Variants in ATXN2 observed in about 807,000 individuals in gnomAD.
ATXN2 encodes ataxin-2.
A neutral mutation model predicts 138.6 loss-of-function variants in ATXN2; 37 were observed. The ratio of observed to expected loss-of-function variants is 0.27; its 90% CI spans 0.21 to 0.35. The LOEUF is 0.35. Ranked by LOEUF, ATXN2 falls within the 10% of genes least tolerant of loss-of-function variation. The pLI is 1.00. For synonymous variants in ATXN2, 549 were observed against 543.7 expected, an observed-to-expected ratio of 1.01 and a Z score of -0.13; for missense variants, 1,216 against 1,480.3, an observed-to-expected ratio of 0.82 and a Z score of 2.93.
At chr12:111,539,477 A>C (rs1352988662) in intron 5 of ATXN2, among the ~76,000 whole-genome samples, 1 of 150,316 alleles carries the variant, frequency 6.7e-6, no homozygotes, top group Non-Finnish European at 1.5e-5. Context: ...GCCGGGTGCG[A>C]TGGCTCATGC....
rs571947327 is a variant in ATXN2, at chr12:111,484,598, G to A, written c.2524+667C>T. ...ACAGGCGGCAGGTGCCACCATGTCC[G>A]GCTAATTTTTGTATTTTAGTAGAGA... On this transcript the variant is annotated intron_variant, in intron 18 of 24. Transcript: ENST00000673436. Among the ~76,000 whole-genome samples, 6 of 152,050 alleles carry A rather than the reference G, an allele frequency of 3.9e-5. No individual in the cohort carries two copies. In the East Asian group the frequency reaches 5.8e-4, roughly 15 times the overall value.
chr12:111,580,853 A>G (rs11065958), intron 1 of ATXN2, among the ~76,000 whole-genome samples: 15,363 of 152,066 alleles, frequency 0.1, 2,589 homozygotes, highest in African/African-American at 0.35. Context: ...GGAAACGACA[A>G]AGAAAGGCCA....
At chr12:111,497,241 T>C (rs1878477512) in intron 14 of ATXN2, among the ~76,000 whole-genome samples, 1 of 152,098 alleles carries the variant, frequency 6.6e-6, no homozygotes, top group Non-Finnish European at 1.5e-5. Flanking sequence ...AGAAATAGTC[T>C]CCCAGCAAAG....
At chr12:111,578,068 G>T (rs905788442) in intron 1 of ATXN2, among the ~76,000 whole-genome samples, 1 of 152,074 alleles carries the variant, frequency 6.6e-6, no homozygotes, top group East Asian at 1.9e-4. Flanking sequence ...GTGGTGGCAC[G>T]CACCTGTAAT....
In ATXN2 at chr12:111,470,126, G is replaced by C; in HGVS notation, c.2824C>G (p.Gln942Glu). 1 of 1,614,030 alleles carries C rather than the reference G, an allele frequency of 6.2e-7. No homozygotes were observed. The highest frequency in any genetic ancestry group is 8.5e-7 in the Non-Finnish European group (1 of 1,179,954). Residue 942 changes from glutamine to glutamate, a missense_variant, in exon 20 of 25, where the codon CAG (glutamine) becomes GAG (glutamate). Coordinates refer to ENST00000673436, the MANE Select transcript of ATXN2 (RefSeq NM_001372574.1). ...SSATQYGAHEQTHAMYACPKL... is the reference protein window; with the variant it reads ...SSATQYGAHEETHAMYACPKL... ...TTCCTACCATACATCGCATGCGTCT[G>C]CTCATGAGCCCCGTACTGAGTTGCT...
rs1234445020 is a variant in ATXN2, at chr12:111,598,968, GC to G, written c.66del (p.Gln22HisfsTer24). The G allele has an allele frequency of 2.3e-5, 34 of 1,502,274 alleles. No homozygotes were observed. The highest frequency in any genetic ancestry group is 1.1e-4 in the East Asian group (4 of 37,184). 93.1% of individuals were successfully genotyped at this position (1,502,274 alleles called of 1,614,324 possible). On this transcript the variant is annotated frameshift_variant, in exon 1 of 25. Coordinates refer to ENST00000673436, the MANE Select transcript of ATXN2 (RefSeq NM_001372574.1). LOFTEE classifies it high-confidence loss of function. The surrounding 1 kb of genome is among the most constrained non-coding windows in gnomAD (Gnocchi z 4.5). Reference protein sequence around the residue: ...QQQQQQQQQQQQQQQQQPPPA... With the variant: ...QQQQQQQQQQXQQQQQQPPPA... ...GGCGGCGGCTGCTGCTGCTGCTGCT[GC>G]TGCTGCTGTTGCTGCTGCTGCTGCT... is the stretch of plus-strand genomic sequence containing the variant.
intron 1 of ATXN2, among the ~76,000 whole-genome samples, chr12:111,592,786 A>AAAAAAAAAAAAAAAAAAT: frequency 7.2e-6 from 1 of 138,292 alleles, no homozygotes; most frequent in Non-Finnish European, 1.5e-5. Flanking sequence ...CCGTCTCAAA[A>AAAAAAAAAAAAAAAAAAT]AAAAAAAAAA....
Position 111,516,437 on chromosome 12 carries a change from A to G in ATXN2, c.1166-74T>C. 4 of 1,335,134 alleles carry G rather than the reference A, an allele frequency of 3.0e-6. No individual in the cohort carries two copies. Among genetic ancestry groups the G allele is most frequent in the Non-Finnish European group, 3.1e-6 (3 of 977,932 alleles). 82.7% of individuals were successfully genotyped at this position (1,335,134 alleles called of 1,614,324 possible). On this transcript the variant is annotated intron_variant, in intron 9 of 24. Coordinates refer to ENST00000673436, the MANE Select transcript of ATXN2 (RefSeq NM_001372574.1). This position sits in a 1 kb window ranked among gnomAD's most constrained non-coding sequence, Gnocchi z 5.0. ...ATGAGGGAAAAAAGTAAACAGAAAA[A>G]AAGTAAAATGACAAAAATGATTTCT...
At chr12:111,475,175 C>T (rs1876708024) in intron 18 of ATXN2, among the ~76,000 whole-genome samples, 1 of 151,620 alleles carries the variant, frequency 6.6e-6, no homozygotes, top group African/African-American at 2.4e-5. Flanking sequence ...GATCGCATCA[C>T]TGCACTCCAG....
intron 18 of ATXN2, among the ~76,000 whole-genome samples, chr12:111,483,410 CA>C (rs58159636): frequency 1.5e-4 from 19 of 131,034 alleles, no homozygotes; most frequent in South Asian, 1.4e-3. Flanking sequence ...AACTGGTTGG[CA>C]AAAAAAAAAC....
Position 111,581,448 on chromosome 12 carries a change from A to C in ATXN2, c.251+17336T>G, listed in dbSNP as rs566587432. 3 of 828,984 alleles carry C rather than the reference A, an allele frequency of 3.6e-6. No individual in the cohort carries two copies. In the South Asian group the frequency reaches 3.9e-5, roughly 11 times the overall value. The allele number at this position is 828,984 out of a possible 1,614,324, so 51.4% of individuals were successfully genotyped here. On this transcript the variant is annotated intron_variant, in intron 1 of 24. Coordinates refer to ENST00000673436, the MANE Select transcript of ATXN2 (RefSeq NM_001372574.1). The stretch of plus-strand genomic sequence containing the variant: ...CATCCCCCTAACTATGAGATGCTCA[A>C]GGAGGAGCAAGAGGTGGCTGTGCTG...
intron 13 of ATXN2, 54 bp from the exon 14 acceptor site, chr12:111,509,673 C>T: frequency 9.1e-7 from 1 of 1,096,338 alleles, no homozygotes; most frequent in Non-Finnish European, 1.3e-6. Context: ...TTTAACATCA[C>T]ATTCTTTTTA....
chr12:111,510,125 T>C (rs1879416502), intron 12 of ATXN2, 127 bp from the exon 13 acceptor site: 1 of 773,402 alleles, frequency 1.3e-6, no homozygotes, highest in African/African-American at 1.8e-5. Flanking sequence ...AGGCTTTTTT[T>C]CCTTTGCAGA....
intron 18 of ATXN2, among the ~76,000 whole-genome samples, chr12:111,478,746 T>A (rs889161741): frequency 2.6e-5 from 4 of 151,682 alleles, no homozygotes; most frequent in Admixed American, 6.6e-5. Context: ...GTGGCTCACA[T>A]CTGTAATCCC....
At chr12:111,527,922 T>C (rs1880590400) in intron 5 of ATXN2, among the ~76,000 whole-genome samples, 2 of 152,200 alleles carry the variant, frequency 1.3e-5, no homozygotes, top group Non-Finnish European at 2.9e-5. Flanking sequence ...ATGTGTATTT[T>C]CAAGAATGTA....
At chr12:111,459,612 T>C (rs992967267) in intron 21 of ATXN2, among the ~76,000 whole-genome samples, 5 of 152,000 alleles carry the variant, frequency 3.3e-5, no homozygotes, top group Admixed American at 1.3e-4. Context: ...GGCTGATTTT[T>C]GTATTTTTAG....
chr12:111,576,913 A>G (rs1450214166), intron 1 of ATXN2, among the ~76,000 whole-genome samples: 2 of 151,864 alleles, frequency 1.3e-5, no homozygotes, highest in East Asian at 2.0e-4. Context: ...AGCCGAGATC[A>G]CGCCACTGCA....
At chr12:111,588,957 C>CGCACTCTAGCCT (rs1884488706) in intron 1 of ATXN2, among the ~76,000 whole-genome samples, 1 of 119,634 alleles carries the variant, frequency 8.4e-6, no homozygotes, top group Middle Eastern at 7.4e-3. Flanking sequence ...ATTGTGTCAC[C>CGCACTCTAGCCT]GCACTCTAGC....
At position 111,453,715 on chromosome 12, in the gene ATXN2, G is replaced by A. The variant is rs1162304064; in HGVS notation, c.3401C>T (p.Ser1134Leu). 9.3e-6 allele frequency: 15 copies of A among 1,613,232 alleles called. No homozygotes were observed. The highest frequency in any genetic ancestry group is 1.3e-5 in the African/African-American group (1 of 75,046). Residue 1134 changes from serine (S) to leucine (L), a missense_variant, in exon 24 of 25, where the codon TCG becomes TTG. Physicochemically the swap from Ser to Leu is moderately radical, Grantham distance 145. Transcript: ENST00000673436. The surrounding 1 kb of genome is among the most constrained non-coding windows in gnomAD (Gnocchi z 5.4). ...CATATAGGGGAAATGCGCTGTTGTCGAGACTGGAATGGGCTGTAGTGCACT... is the reference window on the plus strand; with the variant it reads ...CATATAGGGGAAATGCGCTGTTGTCAAGACTGGAATGGGCTGTAGTGCACT... Reference protein sequence around the residue: ...AQSALQPIPVSTTAHFPYMTH... With the variant: ...AQSALQPIPVLTTAHFPYMTH...
Sources: allele counts gnomAD v4.1 joint callset (sites outside exome capture counted in the v4.1 genomes callset), GRCh38; gene constraint gnomAD v4.1.1; non-coding constraint Gnocchi (gnomAD v3.1); transcripts MANE v1.5; gene names NCBI Gene and HGNC (gene_info 2026-07-23, HGNC 2026-07-21).